Variants in FAM184B observed in about 807,000 individuals in gnomAD.
FAM184B encodes protein FAM184B.
A neutral mutation model predicts 135.9 loss-of-function variants in FAM184B; 111 were observed. The ratio of observed to expected loss-of-function variants is 0.82; its 90% CI spans 0.70 to 0.96. The LOEUF is 0.96. FAM184B is among the 40% of genes least tolerant of loss of function. FAM184B has a pLI of 0.00. For synonymous variants in FAM184B, 552 were observed against 524.8 expected, an observed-to-expected ratio of 1.05 and a Z score of -0.71; for missense variants, 1,375 against 1,323.9, an observed-to-expected ratio of 1.04 and a Z score of -0.60.
At chr4:17,664,313 A>G (rs528073968) in intron 8 of FAM184B, among the ~76,000 whole-genome samples, 4 of 152,308 alleles carry the variant, frequency 2.6e-5, no homozygotes, top group African/African-American at 9.6e-5. Context: ...AAGGTTTGCT[A>G]ACTTCTTTGA....
At chr4:17,694,156 A>C (rs1716800741) in intron 5 of FAM184B, among the ~76,000 whole-genome samples, 1 of 152,096 alleles carries the variant, frequency 6.6e-6, no homozygotes, top group Non-Finnish European at 1.5e-5. Context: ...TCAGTGACTC[A>C]CTGTGCTACT....
At chr4:17,659,088 T>A (rs1290014526) in intron 9 of FAM184B, among the ~76,000 whole-genome samples, 1 of 151,802 alleles carries the variant, frequency 6.6e-6, no homozygotes, top group Admixed American at 6.6e-5. Flanking sequence ...AAAATATACA[T>A]ATCATTATAT....
At chr4:17,660,604 C>A (rs1715894699) in intron 8 of FAM184B, among the ~76,000 whole-genome samples, 1 of 151,958 alleles carries the variant, frequency 6.6e-6, no homozygotes. Flanking sequence ...TCCACATATG[C>A]AACATGAACA....
chr4:17,708,702 TATATATA>T lies in FAM184B; in HGVS notation c.894+183_894+189del, dbSNP rs1165473470. Among the ~76,000 whole-genome samples, 460 of 55,958 alleles carry T rather than the reference TATATATA, an allele frequency of 8.2e-3. 1 individual carries two copies. The highest frequency in any genetic ancestry group is 0.012 in the Non-Finnish European group (377 of 31,716). 36.7% of individuals were successfully genotyped at this position (55,958 alleles called of 152,430 possible). Reference sequence around the variant, plus strand: ...ATATATATATATATATATATATATATATATATAGTGTCTGTGTGTGTGTGTGTGTGTG... The same window carrying T: ...ATATATATATATATATATATATATATGTGTCTGTGTGTGTGTGTGTGTGTG... On this transcript the variant is annotated intron_variant, in intron 2 of 17. Coordinates refer to ENST00000265018, the MANE Select transcript of FAM184B (RefSeq NM_015688.2).
chr4:17,735,394 T>A (rs965949111), intron 1 of FAM184B, among the ~76,000 whole-genome samples: 1 of 152,180 alleles, frequency 6.6e-6, no homozygotes, highest in African/African-American at 2.4e-5. Flanking sequence ...TTTCATTTTT[T>A]AAAATTTTCT....
At chr4:17,653,779 G>T (rs1715697460) in intron 10 of FAM184B, among the ~76,000 whole-genome samples, 1 of 151,650 alleles carries the variant, frequency 6.6e-6, no homozygotes, top group Non-Finnish European at 1.5e-5. Context: ...TGGTCAAAGG[G>T]ACTTTGCAGA....
At position 17,642,231 on chromosome 4, in the gene FAM184B, G is replaced by A; in HGVS notation, c.2347-3C>T. 6.8e-7 allele frequency: 1 copy of A among 1,480,398 alleles called. No homozygotes were observed. Among genetic ancestry groups the A allele is most frequent in the African/African-American group, 1.5e-5 (1 of 68,084 alleles). 91.7% of individuals were successfully genotyped at this position (1,480,398 alleles called of 1,614,324 possible). A position where few individuals can be genotyped will look rare whatever the true frequency, so the allele number is the denominator to read the frequency against. On this transcript the variant is annotated splice_polypyrimidine_tract_variant and splice_region_variant and intron_variant, in intron 12 of 17. Transcript: ENST00000265018. ...GCCTGGCCCGGGCCGCCCCGCTCCT[G>A]AGGAAGGCAACCAGGAGAGGTGTTT... is the stretch of plus-strand genomic sequence containing the variant.
chr4:17,756,370 C>G (rs565606313), intron 1 of FAM184B, among the ~76,000 whole-genome samples: 2 of 152,266 alleles, frequency 1.3e-5, no homozygotes, highest in Admixed American at 1.3e-4. Flanking sequence ...AGAATAATAA[C>G]TGCAATGGAT....
intron 1 of FAM184B, among the ~76,000 whole-genome samples, chr4:17,777,028 C>T (rs1718941284): frequency 6.6e-6 from 1 of 152,150 alleles, no homozygotes; most frequent in South Asian, 2.1e-4. Flanking sequence ...TAGGTATCTA[C>T]CCAAGAACAC....
In FAM184B at chr4:17,721,459, G is replaced by A. The variant is rs183359261; in HGVS notation, c.142-11815C>T. 4.3e-3 allele frequency among the ~76,000 whole-genome samples: 655 copies of A among 150,838 alleles called. 3 individuals are homozygous for A. Among genetic ancestry groups the A allele is most frequent in the Middle Eastern group, 0.024 (7 of 294 alleles). On this transcript the variant is annotated intron_variant, in intron 1 of 17. Transcript: ENST00000265018. ...CGAGTGCAGAGGATACCCAAGTTGG[G>A]TTTGGAAAGGTGAGCAAATGTCACC...
At chr4:17,633,916 C>A in intron 16 of FAM184B, 28 bp from the exon 17 acceptor site, 1 of 1,358,654 alleles carries the variant, frequency 7.4e-7, no homozygotes, top group South Asian at 1.6e-5. Flanking sequence ...CAGGTTAGTG[C>A]AATGCAATGC....
chr4:17,742,563 A>G (rs1718068854), intron 1 of FAM184B, among the ~76,000 whole-genome samples: 1 of 152,098 alleles, frequency 6.6e-6, no homozygotes, highest in Non-Finnish European at 1.5e-5. Context: ...TCCTGTGCCT[A>G]TAAAAGATTT....
intron 1 of FAM184B, among the ~76,000 whole-genome samples, chr4:17,761,306 A>G: frequency 6.6e-6 from 1 of 152,124 alleles, no homozygotes; most frequent in Admixed American, 6.5e-5. Flanking sequence ...CAAGGCCATA[A>G]GCCTACAAGT....
intron 1 of FAM184B, among the ~76,000 whole-genome samples, chr4:17,760,396 G>A (rs1272993704): frequency 6.6e-6 from 1 of 151,834 alleles, no homozygotes; most frequent in Non-Finnish European, 1.5e-5. Context: ...CTGAGACCTG[G>A]GAGGCGGAGG....
intron 9 of FAM184B, among the ~76,000 whole-genome samples, chr4:17,659,398 C>T (rs1715859700): frequency 6.6e-6 from 1 of 151,886 alleles, no homozygotes; most frequent in South Asian, 2.1e-4. Flanking sequence ...TGAACCACCA[C>T]ACCTGGCCAT....
Position 17,739,555 on chromosome 4 carries a change from G to GTTTTTTTGTTTTT in FAM184B, c.142-29912_142-29911insAAAAACAAAAAAA, listed in dbSNP as rs1717980816. On this transcript the variant is annotated intron_variant, in intron 1 of 17. Coordinates refer to ENST00000265018, the MANE Select transcript of FAM184B (RefSeq NM_015688.2). Reference sequence around the variant, plus strand: ...CCCTACACCATATGTCATACCAACTGTTTTTTTTTTTTTTTTGAGATGGGG... The same window carrying GTTTTTTTGTTTTT: ...CCCTACACCATATGTCATACCAACTGTTTTTTTGTTTTTTTTTTTTTTTTTTTTTGAGATGGGG... Among the ~76,000 whole-genome samples the GTTTTTTTGTTTTT allele has an allele frequency of 8.0e-5, 5 of 62,510 alleles. 2 individuals carry two copies. Among genetic ancestry groups the GTTTTTTTGTTTTT allele is most frequent in the Non-Finnish European group, 1.4e-4 (5 of 36,468 alleles). 41.0% of individuals were successfully genotyped at this position (62,510 alleles called of 152,430 possible).
At chr4:17,648,260 G>A (rs1715519776) in intron 11 of FAM184B, among the ~76,000 whole-genome samples, 1 of 152,254 alleles carries the variant, frequency 6.6e-6, no homozygotes, top group Admixed American at 6.5e-5. Flanking sequence ...AGGAGGCCAG[G>A]CAAAGAACAG....
intron 1 of FAM184B, among the ~76,000 whole-genome samples, chr4:17,774,405 A>G (rs2108998949): frequency 6.6e-6 from 1 of 152,280 alleles, no homozygotes; most frequent in South Asian, 2.1e-4. Context: ...AACAAAATCC[A>G]GCTGGAGAGT....
At chr4:17,688,586 T>G (rs1188850767) in intron 6 of FAM184B, 55 bp from the exon 7 acceptor site, 17 of 1,306,018 alleles carry the variant, frequency 1.3e-5, no homozygotes, top group Non-Finnish European at 1.7e-5. Flanking sequence ...ACCTCCTCGA[T>G]ACAGTCATTC....
Sources: gnomAD v4.1 joint callset for allele counts (sites outside exome capture counted in the v4.1 genomes callset) on GRCh38, gnomAD v4.1.1 for gene constraint, MANE v1.5 for transcripts, NCBI Gene and HGNC (gene_info 2026-07-23, HGNC 2026-07-21) for gene names.